The following PDCD1LG2 variants were observed in gnomAD, a reference collection of about 807,000 sequenced individuals.
The protein encoded by PDCD1LG2 is programmed cell death 1 ligand 2, also known as B7 dendritic cell molecule.
A neutral mutation model predicts 28.2 loss-of-function variants in PDCD1LG2; 32 were observed. The ratio of observed to expected loss-of-function variants is 1.13; its 90% confidence interval spans 0.86 to 1.52. The LOEUF (loss-of-function observed/expected upper bound fraction) is 1.52. Ranked by LOEUF, PDCD1LG2 falls within the 40% of genes most tolerant of loss-of-function variation. The pLI is 0.00. For synonymous variants in PDCD1LG2, 116 were observed against 120.2 expected, an observed-to-expected ratio of 0.97 and a Z score of 0.23; for missense variants, 385 against 323.8, an observed-to-expected ratio of 1.19 and a Z score of -1.45.
rs559536206 is a variant in PDCD1LG2, at chr9:5,524,409, A to T, written c.55+1808A>T. 6.6e-5 allele frequency among the ~76,000 whole-genome samples: 10 copies of T among 152,360 alleles called. No homozygotes were observed. In the South Asian group the frequency reaches 1.4e-3, roughly 22 times the overall value. ...AATCAAAAAATATGTGTAATGAATTATGTTGCTGAATTAACTGAAAGGAAA... is the reference window on the plus strand; with the variant it reads ...AATCAAAAAATATGTGTAATGAATTTTGTTGCTGAATTAACTGAAAGGAAA... On this transcript the variant is annotated intron_variant, in intron 2 of 6. Coordinates refer to ENST00000397747, the MANE Select transcript of PDCD1LG2 (RefSeq NM_025239.4).
intron 4 of PDCD1LG2, among the ~76,000 whole-genome samples, chr9:5,550,836 G>T (rs533433068): frequency 3.3e-5 from 5 of 152,274 alleles, no homozygotes; most frequent in African/African-American, 9.6e-5. Flanking sequence ...TGGGATTACA[G>T]GCACATGCCA....
chr9:5,556,502 C>G (rs2063007736), intron 4 of PDCD1LG2, among the ~76,000 whole-genome samples: 2 of 152,236 alleles, frequency 1.3e-5, no homozygotes, highest in Admixed American at 6.5e-5. Context: ...CAGTGATGAC[C>G]TCACATAGAT....
intron 6 of PDCD1LG2, among the ~76,000 whole-genome samples, chr9:5,567,102 C>T (rs1816681348): frequency 6.6e-6 from 1 of 152,118 alleles, no homozygotes; most frequent in Non-Finnish European, 1.5e-5. Flanking sequence ...TTCAACCATC[C>T]CCACTCACCT....
intron 1 of PDCD1LG2, among the ~76,000 whole-genome samples, chr9:5,522,136 C>A (rs1352277257): frequency 6.6e-6 from 1 of 152,112 alleles, no homozygotes; most frequent in Non-Finnish European, 1.5e-5. Flanking sequence ...CCCAGACATC[C>A]AGTCCAGGTA....
chr9:5,518,827 G>T (rs2129706850), intron 1 of PDCD1LG2, among the ~76,000 whole-genome samples: 1 of 152,294 alleles, frequency 6.6e-6, no homozygotes, highest in South Asian at 2.1e-4. Context: ...AAAACTCACT[G>T]ATACTGTGCT....
At chr9:5,528,061 C>T (rs545234260) in intron 2 of PDCD1LG2, among the ~76,000 whole-genome samples, 145 of 151,834 alleles carry the variant, frequency 9.5e-4, no homozygotes, top group Admixed American at 2.5e-3. Flanking sequence ...AACTCCTGAC[C>T]TCAGGTGATC....
At chr9:5,534,431 G>A (rs755126921) in intron 2 of PDCD1LG2, among the ~76,000 whole-genome samples, 2 of 152,160 alleles carry the variant, frequency 1.3e-5, no homozygotes, top group Admixed American at 6.5e-5. Flanking sequence ...GACTGGAGGT[G>A]GGAGAGGCCT....
At chr9:5,552,937 T>A (rs1816366386) in intron 4 of PDCD1LG2, among the ~76,000 whole-genome samples, 1 of 152,130 alleles carries the variant, frequency 6.6e-6, no homozygotes, top group African/African-American at 2.4e-5. Context: ...GCTAAGGATC[T>A]TAACTGAAAT....
intron 3 of PDCD1LG2, among the ~76,000 whole-genome samples, chr9:5,547,292 T>G (rs143860084): frequency 1.2e-3 from 176 of 152,326 alleles, no homozygotes; most frequent in Non-Finnish European, 2.2e-3. Flanking sequence ...AGACTACACT[T>G]ACTTCAAAAA....
At chr9:5,537,701 G>A (rs534093750) in intron 3 of PDCD1LG2, among the ~76,000 whole-genome samples, 9 of 152,300 alleles carry the variant, frequency 5.9e-5, no homozygotes, top group African/African-American at 1.9e-4. Flanking sequence ...GACACAGGGA[G>A]GGGAACATCA....
rs528288747 is a variant in PDCD1LG2 at position 5,517,600 on chromosome 9, TA to T, written c.-14-4932del. 6.6e-5 allele frequency among the ~76,000 whole-genome samples: 10 copies of T among 152,328 alleles called. No individual in the cohort carries two copies. The East Asian group carries it at 1.9e-3, about 29-fold the overall frequency. On this transcript the variant is annotated intron_variant, in intron 1 of 6. Transcript: ENST00000397747. The stretch of plus-strand genomic sequence containing the variant: ...TTTTAAGAAAATATGGTTTGACTTT[TA>T]TTTTTTAAAAACCACTCTGGCTGCA...
intron 3 of PDCD1LG2, among the ~76,000 whole-genome samples, chr9:5,537,952 T>A (rs562219298): frequency 6.6e-6 from 1 of 152,322 alleles, no homozygotes; most frequent in East Asian, 1.9e-4. Flanking sequence ...AAGTTTTCAT[T>A]TCAATAGCTA....
intron 5 of PDCD1LG2, among the ~76,000 whole-genome samples, chr9:5,558,364 G>C (rs575550601): frequency 3.5e-4 from 54 of 152,302 alleles, no homozygotes; most frequent in Non-Finnish European, 5.9e-4. Context: ...CTGGGACAGA[G>C]CATGCTGAAG....
At chr9:5,533,054 T>A (rs1820512778) in intron 2 of PDCD1LG2, among the ~76,000 whole-genome samples, 1 of 152,230 alleles carries the variant, frequency 6.6e-6, no homozygotes, top group Admixed American at 6.5e-5. Context: ...CGTATCACAT[T>A]TTATACTGAA....
intron 2 of PDCD1LG2, among the ~76,000 whole-genome samples, chr9:5,534,232 G>A (rs899205792): frequency 2.6e-5 from 4 of 152,194 alleles, no homozygotes; most frequent in African/African-American, 9.7e-5. Context: ...ACTGGTGAGA[G>A]GAAGTGATAC....
At chr9:5,533,061 T>C (rs1022062132) in intron 2 of PDCD1LG2, among the ~76,000 whole-genome samples, 3 of 152,238 alleles carry the variant, frequency 2.0e-5, no homozygotes, top group African/African-American at 4.8e-5. Context: ...CATTTTATAC[T>C]GAAACAACTT....
intron 3 of PDCD1LG2, among the ~76,000 whole-genome samples, chr9:5,539,877 C>G (rs1025021532): frequency 1.3e-5 from 2 of 152,152 alleles, no homozygotes; most frequent in African/African-American, 4.8e-5. Flanking sequence ...TTAAACTATG[C>G]CCTACCACAA....
chr9:5,550,882 T>TG (rs1188192232), intron 4 of PDCD1LG2, among the ~76,000 whole-genome samples: 15 of 152,022 alleles, frequency 9.9e-5, no homozygotes, highest in African/African-American at 2.4e-4. Flanking sequence ...TTAGTAGAGA[T>TG]GGGTTTCACC....
intron 5 of PDCD1LG2, among the ~76,000 whole-genome samples, chr9:5,560,243 T>A (rs1816532478): frequency 6.6e-6 from 1 of 152,210 alleles, no homozygotes; most frequent in Admixed American, 6.5e-5. Flanking sequence ...ATGCCCATCT[T>A]AGCAAGAAGT....
Sources: allele counts gnomAD v4.1 joint callset (sites outside exome capture counted in the v4.1 genomes callset), GRCh38; gene constraint gnomAD v4.1.1; transcripts MANE v1.5; gene names NCBI Gene and HGNC (gene_info 2026-07-23, HGNC 2026-07-21).